Variants in CCSER1 observed in about 807,000 individuals in gnomAD.
CCSER1 encodes the protein serine-rich coiled-coil domain-containing protein 1.
A neutral mutation model predicts 82.0 loss-of-function variants in CCSER1; 41 were observed. The observed-to-expected ratio is 0.50, with a 90% CI of 0.39 to 0.65. CCSER1 has a LOEUF of 0.65. CCSER1 is among the 30% of genes least tolerant of loss of function. CCSER1 has a pLI of 0.00. For synonymous variants in CCSER1, 414 were observed against 383.9 expected (o/e 1.08, Z -0.92); for missense variants, 1,119 against 1,064.2 (o/e 1.05, Z -0.72).
intron 10 of CCSER1, among the ~76,000 whole-genome samples, chr4:91,198,133 G>A (rs1041402291): frequency 1.3e-5 from 2 of 152,076 alleles, no homozygotes; most frequent in African/African-American, 4.8e-5. Context: ...ACAAATGACA[G>A]ATAATTGAAC....
intron 10 of CCSER1, among the ~76,000 whole-genome samples, chr4:91,359,836 G>A (rs559527979): frequency 1.3e-5 from 2 of 151,860 alleles, no homozygotes; most frequent in Non-Finnish European, 2.9e-5. Context: ...CAGCAGTGGT[G>A]TGGCAGAGGT....
intron 8 of CCSER1, among the ~76,000 whole-genome samples, chr4:90,887,099 A>AT (rs1722243115): frequency 6.6e-6 from 1 of 152,114 alleles, no homozygotes; most frequent in South Asian, 2.1e-4. Context: ...TTTTAATTCC[A>AT]TTTTTTAGGC....
At chr4:90,489,447 A>G (rs1441082682) in intron 5 of CCSER1, among the ~76,000 whole-genome samples, 2 of 152,162 alleles carry the variant, frequency 1.3e-5, no homozygotes, top group East Asian at 1.9e-4. Context: ...GCATTCTTAT[A>G]TCAATTGAGT....
intron 4 of CCSER1, among the ~76,000 whole-genome samples, chr4:90,453,248 T>G (rs1457317628): frequency 6.6e-6 from 1 of 152,152 alleles, no homozygotes; most frequent in African/African-American, 2.4e-5. Context: ...GTGAACCATT[T>G]AGTTCCCTCA....
At chr4:90,535,792 T>TA (rs1024124557) in intron 5 of CCSER1, among the ~76,000 whole-genome samples, 1 of 152,094 alleles carries the variant, frequency 6.6e-6, no homozygotes, top group East Asian at 1.9e-4. Context: ...CAGCACACAT[T>TA]AAAAAAATAA....
At chr4:91,174,307 T>C (rs1427866461) in intron 10 of CCSER1, among the ~76,000 whole-genome samples, 1 of 152,120 alleles carries the variant, frequency 6.6e-6, no homozygotes, top group Non-Finnish European at 1.5e-5. Flanking sequence ...TATTATAATA[T>C]TAATATACTG....
chr4:91,529,510 A>G (rs1222297346), intron 10 of CCSER1, among the ~76,000 whole-genome samples: 1 of 152,104 alleles, frequency 6.6e-6, no homozygotes, highest in Non-Finnish European at 1.5e-5. Flanking sequence ...AATTTTCCTT[A>G]TACTGTCTTC....
chr4:91,528,939 T>A (rs1298073380), intron 10 of CCSER1, among the ~76,000 whole-genome samples: 4 of 152,166 alleles, frequency 2.6e-5, no homozygotes, highest in African/African-American at 9.7e-5. Flanking sequence ...AGGTTTTAAT[T>A]AATCGATCAT....
chr4:90,198,275 G>C (rs961149304), intron 1 of CCSER1, among the ~76,000 whole-genome samples: 1 of 151,816 alleles, frequency 6.6e-6, no homozygotes, highest in African/African-American at 2.4e-5. Context: ...GGTTCCCCTG[G>C]CAAATACTCC....
At chr4:90,477,517 TA>T (rs1765267859) in intron 5 of CCSER1, among the ~76,000 whole-genome samples, 1 of 152,220 alleles carries the variant, frequency 6.6e-6, no homozygotes, top group African/African-American at 2.4e-5. Context: ...GGCATAAGAA[TA>T]AGGGATTGGA....
At chr4:91,268,908 T>C (rs894455901) in intron 10 of CCSER1, among the ~76,000 whole-genome samples, 1 of 152,188 alleles carries the variant, frequency 6.6e-6, no homozygotes, top group Non-Finnish European at 1.5e-5. Flanking sequence ...CTTCACTTGC[T>C]TCAGGCCATC....
At chr4:91,195,189 A>T (rs1016119596) in intron 10 of CCSER1, among the ~76,000 whole-genome samples, 3 of 152,338 alleles carry the variant, frequency 2.0e-5, no homozygotes, top group African/African-American at 2.4e-5. Context: ...TGTTTAAGTG[A>T]TTCAAAACAT....
chr4:90,656,301 CTATTA>C (rs1729690761), intron 6 of CCSER1, among the ~76,000 whole-genome samples: 1 of 151,602 alleles, frequency 6.6e-6, no homozygotes, highest in Admixed American at 6.6e-5. Context: ...TTCTATTTAT[CTATTA>C]TGACTATGAA....
At chr4:90,428,649 C>T (rs1020987716) in intron 4 of CCSER1, among the ~76,000 whole-genome samples, 1 of 151,562 alleles carries the variant, frequency 6.6e-6, no homozygotes, top group African/African-American at 2.4e-5. Flanking sequence ...ATTCAGTAGG[C>T]CAAGGAGGAG....
intron 10 of CCSER1, among the ~76,000 whole-genome samples, chr4:91,562,581 T>G (rs1218743520): frequency 6.6e-6 from 1 of 151,512 alleles, no homozygotes; most frequent in African/African-American, 2.4e-5. Context: ...GAACCCTTGT[T>G]CCAGAGTCAA....
intron 9 of CCSER1, among the ~76,000 whole-genome samples, chr4:91,078,314 G>T (rs1030072833): frequency 7.3e-5 from 11 of 150,026 alleles, no homozygotes; most frequent in Non-Finnish European, 1.3e-4. Flanking sequence ...AGGCAAACAG[G>T]GTCTGGAGTG....
chr4:90,720,232 G>A (rs138908550), intron 6 of CCSER1, among the ~76,000 whole-genome samples: 344 of 150,588 alleles, frequency 2.3e-3, no homozygotes, highest in African/African-American at 7.9e-3. Flanking sequence ...TAAATTTCTT[G>A]TCCCATTCTG....
intron 10 of CCSER1, among the ~76,000 whole-genome samples, chr4:91,457,286 C>G (rs746105682): frequency 6.6e-6 from 1 of 151,998 alleles, no homozygotes; most frequent in Non-Finnish European, 1.5e-5. Flanking sequence ...TAACATTGTA[C>G]AATTTTTTTC....
intron 9 of CCSER1, among the ~76,000 whole-genome samples, chr4:91,079,298 C>A (rs1310867031): frequency 6.6e-6 from 1 of 152,136 alleles, no homozygotes; most frequent in Non-Finnish European, 1.5e-5. Flanking sequence ...GAATTTTCAA[C>A]CAAGAATTTC....
Sources: gnomAD v4.1 joint callset for allele counts (sites outside exome capture counted in the v4.1 genomes callset) on GRCh38, gnomAD v4.1.1 for gene constraint, MANE v1.5 for transcripts, NCBI Gene and HGNC (gene_info 2026-07-23, HGNC 2026-07-21) for gene names.